The following EML1 variants were observed in gnomAD, a reference collection of about 807,000 sequenced individuals.
EML1 encodes the protein EMAP like 1.
Under a neutral mutation model 110.4 loss-of-function variants are expected in EML1, and 27 were observed. That is an observed-to-expected ratio of 0.24 (90% CI 0.18 to 0.34). The LOEUF (loss-of-function observed/expected upper bound fraction) is 0.34, where lower values mean the gene tolerates loss of function less well. Among genes scored for constraint, EML1 ranks in the 10% least tolerant of loss-of-function variants. EML1 has a pLI of 1.00. For missense variants in EML1, 741 were observed against 1,030.9 expected, an observed-to-expected ratio of 0.72 and a Z score of 3.85; for synonymous variants, 344 against 385.8, an observed-to-expected ratio of 0.89 and a Z score of 1.27.
intron 1 of EML1, among the ~76,000 whole-genome samples, chr14:99,844,460 C>G (rs1322573796): frequency 3.9e-5 from 5 of 128,586 alleles, no homozygotes; most frequent in Admixed American, 3.3e-4. Flanking sequence ...GCTTGGGCAA[C>G]AGAGTGAGAC....
At chr14:99,860,958 C>G (rs1041717971) in intron 2 of EML1, among the ~76,000 whole-genome samples, 6 of 152,146 alleles carry the variant, frequency 3.9e-5, no homozygotes, top group African/African-American at 1.4e-4. Flanking sequence ...TGCATTGCAT[C>G]TGATTTTCTT....
At chr14:99,921,398 T>C (rs925786355) in intron 17 of EML1, among the ~76,000 whole-genome samples, 5 of 152,236 alleles carry the variant, frequency 3.3e-5, no homozygotes, top group Non-Finnish European at 5.9e-5. Flanking sequence ...ATTGAGATTC[T>C]GTGTCAGTGT....
At position 99,753,196 on chromosome 14, in the gene EML1, G is replaced by GC. The variant is rs1183572459; in HGVS notation, c.28+15343dup. 5.8e-3 allele frequency among the ~76,000 whole-genome samples: 476 copies of GC among 81,906 alleles called. 13 individuals are homozygous for GC. Among genetic ancestry groups the GC allele is most frequent in the African/African-American group, 0.022 (401 of 18,242 alleles). The allele number at this position is 81,906 out of a possible 152,430, so 53.7% of individuals were successfully genotyped here. ...CCCCACCCCCCTACCCGCACCCCCC[G>GC]CCCCCCCGCCGCCCCCCCACCCCCC... On this transcript the variant is annotated intron_variant, in intron 1 of 10. Transcript: ENST00000554479.
At chr14:99,805,784 CT>C (rs955732358) in intron 1 of EML1, among the ~76,000 whole-genome samples, 8 of 150,126 alleles carry the variant, frequency 5.3e-5, no homozygotes, top group South Asian at 2.1e-4. Flanking sequence ...CCCTAGAACC[CT>C]TTTTTTTTCA....
At chr14:99,902,512 C>G (rs551607047) in intron 9 of EML1, among the ~76,000 whole-genome samples, 2 of 152,294 alleles carry the variant, frequency 1.3e-5, no homozygotes, top group South Asian at 4.2e-4. Flanking sequence ...TAATTTCTGT[C>G]TCCAGTCTCC....
chr14:99,873,583 A>T (rs2059240381), intron 3 of EML1, among the ~76,000 whole-genome samples: 1 of 152,234 alleles, frequency 6.6e-6, no homozygotes. Context: ...GACCTGCGGG[A>T]CCTGTCCCCT....
In EML1 at chr14:99,874,861, A is replaced by G; in HGVS notation, c.384-3624A>G. On this transcript the variant is annotated intron_variant, in intron 3 of 21. Coordinates refer to ENST00000262233, the MANE Select transcript of EML1 (RefSeq NM_004434.3). ...CTGCAATTTACTGAAGCTTATCAAA[A>G]TACTTTTCCACGCTTTTATTAATTG... The G allele has an allele frequency of 3.4e-6, 5 of 1,455,152 alleles. No homozygotes were observed. In the South Asian group the frequency reaches 5.1e-5, roughly 15 times the overall value. 90.1% of individuals were successfully genotyped at this position (1,455,152 alleles called of 1,614,324 possible). A position where few individuals can be genotyped will look rare whatever the true frequency, so the allele number is the denominator to read the frequency against.
chr14:99,813,230 G>A (rs569056924), intron 1 of EML1, among the ~76,000 whole-genome samples: 159 of 152,208 alleles, frequency 1.0e-3, no homozygotes, highest in Non-Finnish European at 2.0e-3. Context: ...ACGGTCTCAC[G>A]CAAGAGAAAT....
intron 3 of EML1, among the ~76,000 whole-genome samples, chr14:99,868,745 T>A (rs1333042164): frequency 3.3e-5 from 5 of 151,980 alleles, no homozygotes; most frequent in East Asian, 1.9e-4. Flanking sequence ...TGATCTTTTT[T>A]AAAAAAAACA....
chr14:99,737,994 T>TG (rs978422529), intron 1 of EML1: 2 of 938,440 alleles, frequency 2.1e-6, no homozygotes, highest in Non-Finnish European at 2.8e-6. Context: ...GCCCGACGCC[T>TG]GGGGGGCCTG....
chr14:99,819,508 C>T (rs562214670), intron 1 of EML1, among the ~76,000 whole-genome samples: 2 of 152,176 alleles, frequency 1.3e-5, no homozygotes, highest in African/African-American at 4.8e-5. Context: ...AATAAGGTGT[C>T]CTGGTAATTT....
chr14:99,929,276 G>A (rs113966921), intron 17 of EML1, among the ~76,000 whole-genome samples: 12 of 152,284 alleles, frequency 7.9e-5, no homozygotes, highest in African/African-American at 2.9e-4. Context: ...TTAGCCAGGT[G>A]ACCTTTTCAG....
At chr14:99,934,133 G>C (rs116035779) in intron 17 of EML1, among the ~76,000 whole-genome samples, 49 of 152,286 alleles carry the variant, frequency 3.2e-4, no homozygotes, top group African/African-American at 1.2e-3. Flanking sequence ...ATTGTAATTG[G>C]TATCATTAAG....
chr14:99,753,713 G>T (rs1456919392), intron 1 of EML1, among the ~76,000 whole-genome samples: 1 of 152,192 alleles, frequency 6.6e-6, no homozygotes, highest in Non-Finnish European at 1.5e-5. Context: ...GCACATAGTA[G>T]GTGCTCAGTG....
intron 1 of EML1, among the ~76,000 whole-genome samples, chr14:99,787,437 C>G (rs1018642038): frequency 6.6e-6 from 1 of 151,866 alleles, no homozygotes; most frequent in Non-Finnish European, 1.5e-5. Context: ...TGCCACCATG[C>G]CTGTCTAATT....
intron 1 of EML1, among the ~76,000 whole-genome samples, chr14:99,824,064 C>A (rs925233759): frequency 1.3e-5 from 2 of 152,172 alleles, no homozygotes; most frequent in Admixed American, 6.5e-5. Context: ...TGAAGGGATT[C>A]TCCTGCCTTA....
intron 1 of EML1, among the ~76,000 whole-genome samples, chr14:99,783,485 CTTTTTT>C (rs59785136): frequency 8.5e-6 from 1 of 117,252 alleles, no homozygotes; most frequent in Non-Finnish European, 1.8e-5. Context: ...TAAAGGGGTA[CTTTTTT>C]TTTTTTTTTT....
chr14:99,762,624 C>G (rs1393515997), intron 1 of EML1, among the ~76,000 whole-genome samples: 1 of 152,016 alleles, frequency 6.6e-6, no homozygotes, highest in Non-Finnish European at 1.5e-5. Context: ...ATGATGAGAC[C>G]CTTTCCGTAC....
At chr14:99,805,402 T>C (rs1015611291) in intron 1 of EML1, among the ~76,000 whole-genome samples, 1 of 152,244 alleles carries the variant, frequency 6.6e-6, no homozygotes, top group African/African-American at 2.4e-5. Context: ...CGTCTTTCTG[T>C]TAACAGTTGT....
Sources: allele counts gnomAD v4.1 joint callset (sites outside exome capture counted in the v4.1 genomes callset), GRCh38; gene constraint gnomAD v4.1.1; transcripts MANE v1.5; gene names NCBI Gene and HGNC (gene_info 2026-07-23, HGNC 2026-07-21).